The following PLXNB1 variants were observed in gnomAD, a reference collection of about 807,000 sequenced individuals.
The protein encoded by PLXNB1 is plexin-B1.
In PLXNB1, 106 loss-of-function variants were observed where a neutral mutation model predicts 209.4. The ratio of observed to expected loss-of-function variants is 0.51; its 90% confidence interval spans 0.43 to 0.59. The LOEUF is 0.59. Ranked by LOEUF, PLXNB1 falls within the 20% of genes least tolerant of loss-of-function variation. The pLI, the probability that PLXNB1 is intolerant of heterozygous loss-of-function variation, is 0.00. For synonymous variants in PLXNB1, 1,167 were observed against 1,183.2 expected (o/e 0.99, Z 0.28); for missense variants, 2,357 against 2,853.2 (o/e 0.83, Z 3.96).
rs755598840 is a variant in PLXNB1, at chr3:48,415,324, C to T, written c.3818G>A (p.Arg1273His). 9 of 1,613,442 alleles carry T rather than the reference C, an allele frequency of 5.6e-6. No homozygotes were observed. The highest frequency in any genetic ancestry group is 5.0e-5 in the Admixed American group (3 of 60,008). Residue 1273 changes from arginine to histidine, a missense_variant, in exon 20 of 38, where the codon CGT becomes CAT. By Grantham distance (29) the Arg-to-His change is conservative. Coordinates refer to ENST00000296440, the MANE Select transcript of PLXNB1 (RefSeq NM_001130082.3). The surrounding 1 kb of genome is among the most constrained non-coding windows in gnomAD (Gnocchi z 5.0). The part of the protein sequence containing the change: ...FLSGGREICV[R>H]GQNLDVVQTP... ...CTGTACCACGTCCAGATTCTGGCCA[C>T]GGACGCATATCTCACGTCCTCCACT...
At chr3:48,408,230 C>CA (rs2037432434) in intron 34 of PLXNB1, among the ~76,000 whole-genome samples, 1 of 152,102 alleles carries the variant, frequency 6.6e-6, no homozygotes. Context: ...AGGCTGGTCT[C>CA]AAACTCCTGA....
chr3:48,408,536 G>A lies in PLXNB1; in HGVS notation c.6087+793C>T, dbSNP rs144714180. Among the ~76,000 whole-genome samples the A allele has an allele frequency of 3.9e-3, 599 of 152,140 alleles. 5 individuals carry two copies. Among genetic ancestry groups the A allele is most frequent in the South Asian group, 0.016 (77 of 4,816 alleles). On this transcript the variant is annotated intron_variant, in intron 34 of 37. Transcript: ENST00000296440. ...ATAGACTCCCAACCTCTGTGCTCCC[G>A]GACGGCTCCAACTACTCAGTCTCCT...
In PLXNB1 at chr3:48,416,780, G is replaced by A. The variant is rs2038131369; in HGVS notation, c.3375-329C>T. The A allele has an allele frequency of 4.4e-6, 1 of 228,254 alleles. No homozygotes were observed. Among genetic ancestry groups the A allele is most frequent in the Admixed American group, 5.7e-5 (1 of 17,590 alleles). 14.1% of individuals were successfully genotyped at this position (228,254 alleles called of 1,614,324 possible). On this transcript the variant is annotated intron_variant, in intron 16 of 37. Coordinates refer to ENST00000296440, the MANE Select transcript of PLXNB1 (RefSeq NM_001130082.3). The surrounding 1 kb of genome is among the most constrained non-coding windows in gnomAD (Gnocchi z 4.1). ...GCTGCTGAGCAAGTGAGTGGGCACAGCTAGCCGCCCATGTCCTCCGCCACG... is the reference window on the plus strand; with the variant it reads ...GCTGCTGAGCAAGTGAGTGGGCACAACTAGCCGCCCATGTCCTCCGCCACG...
rs2038139678 is a variant in PLXNB1 at position 48,416,931 on chromosome 3, C to A, written c.3375-480G>T. On this transcript the variant is annotated intron_variant, in intron 16 of 37. Transcript: ENST00000296440. This position sits in a 1 kb window ranked among gnomAD's most constrained non-coding sequence, Gnocchi z 4.1. ...GGAAAGTGAACCATCTAAGAAAATG[C>A]TGGTTCTTAGCCAGAAAATAGAAGC... The A allele has an allele frequency of 6.6e-6, 1 of 152,614 alleles. No homozygotes were observed. The highest frequency in any genetic ancestry group is 2.4e-5 in the African/African-American group (1 of 41,450). 9.5% of individuals were successfully genotyped at this position (152,614 alleles called of 1,614,324 possible). A position where few individuals can be genotyped will look rare whatever the true frequency, so the allele number is the denominator to read the frequency against.
chr3:48,420,829 G>A lies in PLXNB1; in HGVS notation c.1919+19C>T. 1.9e-6 allele frequency: 3 copies of A among 1,611,902 alleles called. No individual in the cohort carries two copies. Among genetic ancestry groups the A allele is most frequent in the Non-Finnish European group, 2.5e-6 (3 of 1,178,058 alleles). ...CGCCACAGGGAAGCCCAGGCCTGGGGACAGGGCGAGGAACTCACTGCGCAG... is the reference window on the plus strand; with the variant it reads ...CGCCACAGGGAAGCCCAGGCCTGGGAACAGGGCGAGGAACTCACTGCGCAG... On this transcript the variant is annotated intron_variant, in intron 9 of 37. Transcript: ENST00000296440.
In PLXNB1 at chr3:48,411,767, A is replaced by T. The variant is rs2037697581; in HGVS notation, c.5247+96T>A. ...ACCCAGCTCTACATCCAGGTACCAC[A>T]TCAGAAGCTGGTGTCCAGACCCCAC... On this transcript the variant is annotated intron_variant, in intron 28 of 37. Transcript: ENST00000296440. The surrounding 1 kb of genome is among the most constrained non-coding windows in gnomAD (Gnocchi z 4.0). 1 of 1,406,638 alleles carries T rather than the reference A, an allele frequency of 7.1e-7. No homozygotes were observed. Among genetic ancestry groups the T allele is most frequent in the Non-Finnish European group, 9.8e-7 (1 of 1,017,586 alleles). The allele number at this position is 1,406,638 out of a possible 1,614,324, so 87.1% of individuals were successfully genotyped here. A position where few individuals can be genotyped will look rare whatever the true frequency, so the allele number is the denominator to read the frequency against.
At position 48,409,639 on chromosome 3, in the gene PLXNB1, C is replaced by T. The variant is rs748065602; in HGVS notation, c.5871G>A (p.Leu1957=). 1 of 1,614,022 alleles carries T rather than the reference C, an allele frequency of 6.2e-7. No homozygotes were observed. The highest frequency in any genetic ancestry group is 1.1e-5 in the South Asian group (1 of 91,080). ...VPLAVKYFFD[L]LDEQAQQHGI... is the part of the protein sequence containing the mutation. ...CATGCTGCTGGGCCTGCTCATCCAGCAGGTCAAAGAAGTACTTCACAGCGA... is the reference window on the plus strand; with the variant it reads ...CATGCTGCTGGGCCTGCTCATCCAGTAGGTCAAAGAAGTACTTCACAGCGA... The change falls in exon 33 of 38, where the codon CTG becomes CTA. Residue 1957 remains leucine (L), a synonymous_variant. Coordinates refer to ENST00000296440, the MANE Select transcript of PLXNB1 (RefSeq NM_001130082.3). The surrounding 1 kb of genome is among the most constrained non-coding windows in gnomAD (Gnocchi z 5.8).
At chr3:48,412,700 G>C (rs770874297) in intron 25 of PLXNB1, 42 bp downstream of exon 25, 2 of 1,603,330 alleles carry the variant, frequency 1.2e-6, no homozygotes, top group South Asian at 1.1e-5. Flanking sequence ...CTGGAGAAGG[G>C]GCAGGGCCAG....
Position 48,419,638 on chromosome 3 carries a change from G to T in PLXNB1, c.2648C>A (p.Ala883Asp), listed in dbSNP as rs2038352949. 1 of 1,612,634 alleles carries T rather than the reference G, an allele frequency of 6.2e-7. No individual in the cohort carries two copies. The highest frequency in any genetic ancestry group is 8.5e-7 in the Non-Finnish European group (1 of 1,179,948). The change falls in exon 11 of 38, where the codon GCC becomes GAC. Residue 883 changes from alanine (A) to aspartate (D), a missense_variant. Ala to Asp is a moderately radical substitution (Grantham distance 126, BLOSUM62 -2). Around this residue, in one of 7 missense-constraint regions of PLXNB1, gnomAD observed 410 missense variants for 401.0 expected, o/e 1.02. Transcript: ENST00000296440. This position sits in a 1 kb window ranked among gnomAD's most constrained non-coding sequence, Gnocchi z 5.7. ...GDSAELEGPP[A>D]PLILPSSLDY... ...GAGGCTGGACGGGAGGATGAGGGGG[G>T]CGGGAGGGCCCTCAAGCTCTGCTGA... is the stretch of plus-strand genomic sequence containing the variant.
chr3:48,409,336 A>C lies in PLXNB1; in HGVS notation c.6080T>G (p.Leu2027Arg). 1 of 1,614,010 alleles carries C rather than the reference A, an allele frequency of 6.2e-7. No individual in the cohort carries two copies. The highest frequency in any genetic ancestry group is 8.5e-7 in the Non-Finnish European group (1 of 1,180,014). The change falls in exon 34 of 38, where the codon CTG becomes CGG. Residue 2027 changes from leucine to arginine, a missense_variant. Around this residue, in one of 7 missense-constraint regions of PLXNB1, gnomAD observed 414 missense variants for 520.5 expected, o/e 0.80. Coordinates refer to ENST00000296440, the MANE Select transcript of PLXNB1 (RefSeq NM_001130082.3). This position sits in a 1 kb window ranked among gnomAD's most constrained non-coding sequence, Gnocchi z 5.8. The part of the protein sequence containing the change: ...MDACTLADHK[L>R]GRDSPINKLL... ...CATCCCAGACTCGCTCACCCGGCCC[A>C]GCTTGTGGTCGGCCAGGGTGCAGGC...
intron 1 of PLXNB1, among the ~76,000 whole-genome samples, chr3:48,428,390 C>G (rs755415053): frequency 6.6e-6 from 1 of 152,186 alleles, no homozygotes; most frequent in Non-Finnish European, 1.5e-5. Flanking sequence ...AGTGCTCCCC[C>G]ACACATGCCC....
rs749018338 is a variant in PLXNB1 at position 48,407,104 on chromosome 3, G to A, written c.6088-13C>T. The A allele has an allele frequency of 7.4e-6, 12 of 1,612,540 alleles. No homozygotes were observed. The South Asian group carries it at 1.2e-4, about 16-fold the overall frequency. ...TGATCGGGGAGTCCTGGACATAGCA[G>A]GAGGACAGCAAAAGAGGAAGGAAGG... On this transcript the variant is annotated splice_polypyrimidine_tract_variant and intron_variant, in intron 34 of 37. Coordinates refer to ENST00000296440, the MANE Select transcript of PLXNB1 (RefSeq NM_001130082.3).
At chr3:48,414,764 C>A in intron 21 of PLXNB1, 35 bp downstream of exon 21, 1 of 1,602,964 alleles carries the variant, frequency 6.2e-7, no homozygotes, top group South Asian at 1.1e-5. Flanking sequence ...AGGGAAGGGT[C>A]TCGGGGCCCT....
At chr3:48,424,898 C>G (rs535675521) in intron 2 of PLXNB1, among the ~76,000 whole-genome samples, 2 of 152,154 alleles carry the variant, frequency 1.3e-5, no homozygotes, top group South Asian at 4.1e-4. Flanking sequence ...ACCATCCCCC[C>G]AGATCAGAGG....
rs906362083 is a variant in PLXNB1, at chr3:48,415,805, A to T, written c.3618-46T>A. 6.6e-7 allele frequency: 1 copy of T among 1,508,392 alleles called. No individual in the cohort carries two copies. Among genetic ancestry groups the T allele is most frequent in the Admixed American group, 2.0e-5 (1 of 49,610 alleles). 93.4% of individuals were successfully genotyped at this position (1,508,392 alleles called of 1,614,324 possible). A position where few individuals can be genotyped will look rare whatever the true frequency, so the allele number is the denominator to read the frequency against. ...GAATGCAGGGGCGCAGGCAGGGAAA[A>T]CTTGGACCACTCAGGCCCCAACTGG... On this transcript the variant is annotated intron_variant, in intron 18 of 37. Transcript: ENST00000296440. This position sits in a 1 kb window ranked among gnomAD's most constrained non-coding sequence, Gnocchi z 5.0.
At position 48,429,269 on chromosome 3, in the gene PLXNB1, G is replaced by A. The variant is rs2039063307; in HGVS notation, c.-60+739C>T. 6.6e-6 allele frequency: 1 copy of A among 151,702 alleles called. No homozygotes were observed. Among genetic ancestry groups the A allele is most frequent in the Non-Finnish European group, 1.5e-5 (1 of 67,918 alleles). The allele number at this position is 151,702 out of a possible 1,614,324, so 9.4% of individuals were successfully genotyped here. On this transcript the variant is annotated intron_variant, in intron 1 of 37. Coordinates refer to ENST00000296440, the MANE Select transcript of PLXNB1 (RefSeq NM_001130082.3). The surrounding 1 kb of genome is among the most constrained non-coding windows in gnomAD (Gnocchi z 6.4). ...CGCACTCACCACCCGGCCGGGCCCCGCGGGATGTGCGCGCCGAGGCGGGCG... is the reference window on the plus strand; with the variant it reads ...CGCACTCACCACCCGGCCGGGCCCCACGGGATGTGCGCGCCGAGGCGGGCG...
intron 1 of PLXNB1, among the ~76,000 whole-genome samples, chr3:48,428,158 A>G (rs2038992505): frequency 6.6e-6 from 1 of 152,116 alleles, no homozygotes; most frequent in Non-Finnish European, 1.5e-5. Flanking sequence ...AAACCCAACA[A>G]GTAGGGGAGA....
rs1390866797 is a variant in PLXNB1 at position 48,409,776 on chromosome 3, T to TCAG, written c.5779-48_5779-46dup. On this transcript the variant is annotated intron_variant, in intron 32 of 37. Coordinates refer to ENST00000296440, the MANE Select transcript of PLXNB1 (RefSeq NM_001130082.3). This position sits in a 1 kb window ranked among gnomAD's most constrained non-coding sequence, Gnocchi z 5.8. ...GAGAGGTGTGGTCAGCAAAGGGCCCTCAGCAGCAGCCCAGCCTCAGACACC... is the reference window on the plus strand; with the variant it reads ...GAGAGGTGTGGTCAGCAAAGGGCCCTCAGCAGCAGCAGCCCAGCCTCAGACACC... 1 of 1,598,162 alleles carries TCAG rather than the reference T, an allele frequency of 6.3e-7. No individual in the cohort carries two copies. The highest frequency in any genetic ancestry group is 8.5e-7 in the Non-Finnish European group (1 of 1,170,386).
Position 48,410,857 on chromosome 3 carries a change from C to T in PLXNB1, c.5416+11G>A. 3.1e-6 allele frequency: 5 copies of T among 1,604,230 alleles called. No homozygotes were observed. The highest frequency in any genetic ancestry group is 4.3e-6 in the Non-Finnish European group (5 of 1,175,584). On this transcript the variant is annotated intron_variant, in intron 29 of 37. Coordinates refer to ENST00000296440, the MANE Select transcript of PLXNB1 (RefSeq NM_001130082.3). The surrounding 1 kb of genome is among the most constrained non-coding windows in gnomAD (Gnocchi z 6.4). Reference sequence around the variant, plus strand: ...GTGGCTCAGGTCCCCAGGGGCTCTCCACGCCCTCACCAACATCAAGGGTGC... The same window carrying T: ...GTGGCTCAGGTCCCCAGGGGCTCTCTACGCCCTCACCAACATCAAGGGTGC...
Sources: allele counts gnomAD v4.1 joint callset (sites outside exome capture counted in the v4.1 genomes callset), GRCh38; gene constraint gnomAD v4.1.1; regional missense constraint gnomAD v4.1.1; non-coding constraint Gnocchi (gnomAD v3.1); transcripts MANE v1.5; gene names NCBI Gene and HGNC (gene_info 2026-07-23, HGNC 2026-07-21).